The following WDR91 variants were observed in gnomAD, a reference collection of about 807,000 sequenced individuals.
WDR91 encodes the protein WD repeat-containing protein 91.
Under a neutral mutation model 88.4 loss-of-function variants are expected in WDR91, and 52 were observed. The ratio of observed to expected loss-of-function variants is 0.59; its 90% confidence interval spans 0.47 to 0.74. The LOEUF is 0.74. Among genes scored for constraint, WDR91 ranks in the 30% least tolerant of loss-of-function variants. WDR91 has a pLI of 0.00. For missense variants in WDR91, 824 were observed against 954.5 expected (o/e 0.86, Z 1.80); for synonymous variants, 362 against 389.5 (o/e 0.93, Z 0.83).
At position 135,204,355 on chromosome 7, in the gene WDR91, C is replaced by CT; in HGVS notation, c.803dup (p.Ser269GlufsTer2). ...ACAACCTTGAGGGGCTCTTCTTACT[C>CT]TGAGGCAGCAGCGAGGACAGGAAGC... is the stretch of plus-strand genomic sequence containing the variant. On this transcript the variant is annotated frameshift_variant, in exon 6 of 15. Transcript: ENST00000354475. LOFTEE classifies it high-confidence loss of function. 6.2e-7 allele frequency: 1 copy of CT among 1,614,190 alleles called. No individual in the cohort carries two copies. Among genetic ancestry groups the CT allele is most frequent in the Non-Finnish European group, 8.5e-7 (1 of 1,180,036 alleles).
chr7:135,209,571 G>T lies in WDR91; in HGVS notation c.303+5C>A. ...GGGAAGCAGAACCCCTGAATCAACAGGCACCTGGATTGTGTAGACAAGATA... is the reference window on the plus strand; with the variant it reads ...GGGAAGCAGAACCCCTGAATCAACATGCACCTGGATTGTGTAGACAAGATA... On this transcript the variant is annotated splice_donor_5th_base_variant and intron_variant, in intron 2 of 14. Transcript: ENST00000354475. 1.3e-6 allele frequency: 2 copies of T among 1,545,372 alleles called. No homozygotes were observed. The highest frequency in any genetic ancestry group is 1.7e-6 in the Non-Finnish European group (2 of 1,144,260).
intron 5 of WDR91, 89 bp downstream of exon 5, chr7:135,205,839 A>C: frequency 6.4e-7 from 1 of 1,573,752 alleles, no homozygotes; most frequent in South Asian, 1.1e-5. Flanking sequence ...GCAGGCACAG[A>C]GGACTGCAGG....
At chr7:135,195,861 C>A (rs1213592465) in intron 8 of WDR91, among the ~76,000 whole-genome samples, 2 of 151,910 alleles carry the variant, frequency 1.3e-5, no homozygotes, top group African/African-American at 4.8e-5. Context: ...GCACGAGAAT[C>A]GCTTGAGCCT....
At chr7:135,203,516 A>G (rs1319175289) in intron 6 of WDR91, among the ~76,000 whole-genome samples, 1 of 152,158 alleles carries the variant, frequency 6.6e-6, no homozygotes, top group East Asian at 1.9e-4. Flanking sequence ...AGCTGACATC[A>G]AAAAAAGATC....
At position 135,196,401 on chromosome 7, in the gene WDR91, G is replaced by A. The variant is rs934035201; in HGVS notation, c.1051-64C>T. The A allele has an allele frequency of 2.9e-5, 41 of 1,420,020 alleles. No individual in the cohort carries two copies. The highest frequency in any genetic ancestry group is 7.3e-5 in the African/African-American group (5 of 68,146). The allele number at this position is 1,420,020 out of a possible 1,614,324, so 88.0% of individuals were successfully genotyped here. ...GGTCCCCCACACCAGGGTGTACACC[G>A]CAGGGGGTCTAGGCCTAGGCTGCAG... On this transcript the variant is annotated intron_variant, in intron 7 of 14. Transcript: ENST00000354475. The surrounding 1 kb of genome is among the most constrained non-coding windows in gnomAD (Gnocchi z 4.2).
intron 2 of WDR91, 144 bp downstream of exon 2, chr7:135,209,432 C>A: frequency 1.3e-6 from 1 of 756,682 alleles, no homozygotes; most frequent in Non-Finnish European, 2.0e-6. Flanking sequence ...AGAAGAAAAA[C>A]AGTCAAAAAT....
At chr7:135,198,201 A>G in intron 6 of WDR91, 50 bp from the exon 7 acceptor site, 1 of 1,577,092 alleles carries the variant, frequency 6.3e-7, no homozygotes, top group Non-Finnish European at 8.6e-7. Context: ...TGCCCAGGCC[A>G]TGATAAGCAT....
intron 11 of WDR91, among the ~76,000 whole-genome samples, chr7:135,192,119 T>G (rs867794335): frequency 0.36 from 49,721 of 137,692 alleles, 10,080 homozygotes; most frequent in South Asian, 0.55. Flanking sequence ...TTTTTTTTTT[T>G]TTTTTTTTTT....
chr7:135,203,095 G>A (rs1365897530), intron 6 of WDR91, among the ~76,000 whole-genome samples: 1 of 152,190 alleles, frequency 6.6e-6, no homozygotes, highest in Non-Finnish European at 1.5e-5. Context: ...GCAAACTGGG[G>A]TGGGTTTACC....
At chr7:135,193,107 C>T (rs1418570125) in intron 11 of WDR91, 124 bp downstream of exon 11, 2 of 1,394,378 alleles carry the variant, frequency 1.4e-6, no homozygotes, top group Admixed American at 2.3e-5. Flanking sequence ...TACTTTTCAA[C>T]ACTCAAAACT....
In WDR91 at chr7:135,187,149, G is replaced by A; in HGVS notation, c.1902C>T (p.His634=). Residue 634 remains histidine, a synonymous_variant, in exon 14 of 15, where the codon CAC becomes CAT. Transcript: ENST00000354475. ...EDGKFIQWNI[H]KSGLKVSEYS... is the part of the protein sequence containing the mutation. The stretch of plus-strand genomic sequence containing the variant: ...ACTCGGATACCTTGAGGCCACTCTT[G>A]TGGATGTTCCACTGGATGAACTGCA... 1 of 1,614,210 alleles carries A rather than the reference G, an allele frequency of 6.2e-7. No individual in the cohort carries two copies.
intron 6 of WDR91, among the ~76,000 whole-genome samples, chr7:135,203,196 G>C (rs1297278852): frequency 6.6e-6 from 1 of 152,180 alleles, no homozygotes; most frequent in Non-Finnish European, 1.5e-5. Flanking sequence ...CCAGTGTCCT[G>C]CTCAGTGTTT....
rs1193980706 is a variant in WDR91, at chr7:135,204,424, C to T, written c.735G>A (p.Val245=). ...DRLGDSELAM[V]CSQRNASLSQ... ...AGAGGGAGGCATTCCTTTGGCTGCA[C>T]ACCATGGCACTGGTCAGCAAACACA... is the stretch of plus-strand genomic sequence containing the variant. The change falls in exon 6 of 15, where the codon GTG becomes GTA. Residue 245 remains valine (V), a synonymous_variant. Transcript: ENST00000354475. 6.2e-7 allele frequency: 1 copy of T among 1,614,000 alleles called. No homozygotes were observed. The highest frequency in any genetic ancestry group is 8.5e-7 in the Non-Finnish European group (1 of 1,180,014).
chr7:135,193,220 C>A lies in WDR91; in HGVS notation c.1659+11G>T, dbSNP rs1281817954. ...CCTGGCCCCAGAGAGAGCCACAGGG[C>A]AGGCCCGTACCTGCTGCTTCATGGT... On this transcript the variant is annotated intron_variant, in intron 11 of 14. Coordinates refer to ENST00000354475, the MANE Select transcript of WDR91 (RefSeq NM_014149.4). 8 of 1,612,854 alleles carry A rather than the reference C, an allele frequency of 5.0e-6. No individual in the cohort carries two copies. The highest frequency in any genetic ancestry group is 2.2e-5 in the South Asian group (2 of 90,986).
At chr7:135,199,049 A>G (rs926487834) in intron 6 of WDR91, 1 of 152,212 alleles carries the variant, frequency 6.6e-6, no homozygotes, top group Non-Finnish European at 1.5e-5. Flanking sequence ...TTTGAGACCA[A>G]TCTTCTCAAG....
At chr7:135,197,926 A>T (rs1229007576) in intron 7 of WDR91, 67 bp downstream of exon 7, 1 of 1,543,432 alleles carries the variant, frequency 6.5e-7, no homozygotes, top group Non-Finnish European at 8.8e-7. Context: ...AGAGAAGAGA[A>T]GACCCCCCAC....
chr7:135,208,680 T>C, intron 3 of WDR91, 111 bp downstream of exon 3: 4 of 981,970 alleles, frequency 4.1e-6, no homozygotes, highest in South Asian at 2.1e-5. Context: ...ATAAAAATGG[T>C]CCCTGGGCAT....
chr7:135,193,358 A>G lies in WDR91; in HGVS notation c.1532T>C (p.Val511Ala), dbSNP rs142700524. ...LACSPNGASF[V>A]CSAAAPSLTS... ...GAGGCTCGGAGCTGCTGCCGAACAG[A>G]CGAAAGAGGCCCCGTTGGGGCTGCA... The change falls in exon 11 of 15, where the codon GTC becomes GCC. Residue 511 changes from valine (V) to alanine (A), a missense_variant. Transcript: ENST00000354475. The G allele has an allele frequency of 2.5e-6, 4 of 1,614,062 alleles. No individual in the cohort carries two copies. The African/African-American group carries it at 4.0e-5, about 16-fold the overall frequency.
chr7:135,197,957 T>C (rs377128882), intron 7 of WDR91, 36 bp downstream of exon 7: 4 of 1,598,312 alleles, frequency 2.5e-6, no homozygotes, highest in African/African-American at 2.7e-5. Flanking sequence ...AGTAGCTGCA[T>C]GAGTGTCCCC....
Sources: allele counts gnomAD v4.1 joint callset (sites outside exome capture counted in the v4.1 genomes callset), GRCh38; gene constraint gnomAD v4.1.1; non-coding constraint Gnocchi (gnomAD v3.1); transcripts MANE v1.5; gene names NCBI Gene and HGNC (gene_info 2026-07-23, HGNC 2026-07-21).